The following MACROD2 variants were observed in gnomAD, a reference collection of about 807,000 sequenced individuals.
MACROD2 encodes ADP-ribose glycohydrolase MACROD2.
MACROD2 carries 36 observed loss-of-function variants against 70.4 expected under a neutral mutation model. That is an observed-to-expected ratio of 0.51 (90% CI 0.39 to 0.68). The LOEUF (loss-of-function observed/expected upper bound fraction) is 0.68, where lower values mean the gene tolerates loss of function less well. MACROD2 is among the 30% of genes least tolerant of loss of function. MACROD2 has a pLI of 0.00. For missense variants in MACROD2, 496 were observed against 538.4 expected (o/e 0.92, Z 0.78); for synonymous variants, 172 against 178.8 (o/e 0.96, Z 0.30).
At chr20:15,683,589 TG>T (rs1314352052) in intron 8 of MACROD2, among the ~76,000 whole-genome samples, 3 of 152,104 alleles carry the variant, frequency 2.0e-5, no homozygotes, top group African/African-American at 4.8e-5. Flanking sequence ...TTTGTTTGTT[TG>T]TTTTTTGAGA....
chr20:15,395,249 A>G (rs1204330824), intron 6 of MACROD2, among the ~76,000 whole-genome samples: 1 of 152,214 alleles, frequency 6.6e-6, no homozygotes, highest in Non-Finnish European at 1.5e-5. Flanking sequence ...TAAGCAGAAC[A>G]CTGGAAGTAT....
Position 15,134,391 on chromosome 20 carries a change from C to T in MACROD2, c.419-95549C>T, listed in dbSNP as rs577137349. ...TCTCTCAGACCACAGTGCAATCAAACTAGAACTCAGGATTAAGAAACTCAC... is the reference window on the plus strand; with the variant it reads ...TCTCTCAGACCACAGTGCAATCAAATTAGAACTCAGGATTAAGAAACTCAC... On this transcript the variant is annotated intron_variant, in intron 5 of 17. Coordinates refer to ENST00000684519, the MANE Select transcript of MACROD2 (RefSeq NM_001351661.2). 1.4e-3 allele frequency among the ~76,000 whole-genome samples: 208 copies of T among 151,796 alleles called. 4 individuals carry two copies. Among genetic ancestry groups the T allele is most frequent in the Non-Finnish European group, 1.7e-3 (115 of 67,844 alleles).
At chr20:14,486,513 C>CTTT (rs71335969) in intron 3 of MACROD2, among the ~76,000 whole-genome samples, 3,840 of 96,886 alleles carry the variant, frequency 0.04, 597 homozygotes, top group African/African-American at 0.11. Flanking sequence ...AAATAGCCAA[C>CTTT]TTTTTATTTT....
intron 4 of MACROD2, among the ~76,000 whole-genome samples, chr20:14,684,630 T>A (rs1267760663): frequency 7.0e-6 from 1 of 143,508 alleles, no homozygotes; most frequent in Non-Finnish European, 1.5e-5. Context: ...CTTCTACTTC[T>A]GTTCACCACA....
intron 8 of MACROD2, among the ~76,000 whole-genome samples, chr20:15,531,409 C>G (rs768188651): frequency 4.0e-5 from 6 of 151,712 alleles, no homozygotes; most frequent in African/African-American, 7.3e-5. Flanking sequence ...TAAAAATCTT[C>G]AAATATAGAA....
At chr20:15,881,451 G>A (rs916051012) in intron 9 of MACROD2, among the ~76,000 whole-genome samples, 5 of 152,082 alleles carry the variant, frequency 3.3e-5, no homozygotes, top group Admixed American at 1.3e-4. Flanking sequence ...TCTGGATACG[G>A]GCCACAGGAC....
At chr20:14,236,835 A>G (rs1354359106) in intron 3 of MACROD2, among the ~76,000 whole-genome samples, 1 of 152,138 alleles carries the variant, frequency 6.6e-6, no homozygotes, top group African/African-American at 2.4e-5. Context: ...ACCATATTTT[A>G]AACTATTTCC....
At chr20:14,254,535 T>C (rs1023902908) in intron 3 of MACROD2, among the ~76,000 whole-genome samples, 1 of 152,130 alleles carries the variant, frequency 6.6e-6, no homozygotes, top group Admixed American at 6.6e-5. Flanking sequence ...TCTTTAGTCA[T>C]TTATTATTTA....
Position 16,022,525 on chromosome 20 carries a change from G to A in MACROD2, c.1154-18676G>A, listed in dbSNP as rs530157344. On this transcript the variant is annotated intron_variant, in intron 15 of 17. Transcript: ENST00000684519. The stretch of plus-strand genomic sequence containing the variant: ...GCTTTTACATGTACAAGAATCACTA[G>A]GGCAGCTTGTTAAATTGCAGATTAC... Among the ~76,000 whole-genome samples, 15 of 152,256 alleles carry A rather than the reference G, an allele frequency of 9.9e-5. No individual in the cohort carries two copies. The East Asian group carries it at 2.7e-3, about 27-fold the overall frequency.
At chr20:15,795,825 G>T (rs2063667959) in intron 8 of MACROD2, among the ~76,000 whole-genome samples, 1 of 152,162 alleles carries the variant, frequency 6.6e-6, no homozygotes, top group Admixed American at 6.5e-5. Flanking sequence ...TCCGTTGGTG[G>T]CATTCGTTCT....
chr20:14,411,197 A>G (rs1196153751), intron 3 of MACROD2, among the ~76,000 whole-genome samples: 1 of 152,122 alleles, frequency 6.6e-6, no homozygotes, highest in African/African-American at 2.4e-5. Flanking sequence ...TCTAAACTTG[A>G]TATGAGCCAA....
chr20:14,070,853 C>G lies in MACROD2; in HGVS notation c.164-14768C>G, dbSNP rs1026196034. Among the ~76,000 whole-genome samples the G allele has an allele frequency of 3.5e-4, 53 of 152,042 alleles. 1 individual carries two copies. The highest frequency in any genetic ancestry group is 3.4e-4 in the Non-Finnish European group (23 of 68,024). ...CCCAGGCATTTTGTGTGAATATCTCCCAGCATCTTATTCTTTTAAGTGTGA... is the reference window on the plus strand; with the variant it reads ...CCCAGGCATTTTGTGTGAATATCTCGCAGCATCTTATTCTTTTAAGTGTGA... On this transcript the variant is annotated intron_variant, in intron 2 of 17. Coordinates refer to ENST00000684519, the MANE Select transcript of MACROD2 (RefSeq NM_001351661.2).
chr20:15,094,305 C>T (rs2075813265), intron 5 of MACROD2, among the ~76,000 whole-genome samples: 1 of 152,120 alleles, frequency 6.6e-6, no homozygotes, highest in African/African-American at 2.4e-5. Context: ...AAAATCTTCA[C>T]ATGCTATTTT....
intron 1 of MACROD2, among the ~76,000 whole-genome samples, chr20:13,998,348 T>C (rs1476370560): frequency 6.6e-6 from 1 of 152,142 alleles, no homozygotes; most frequent in Non-Finnish European, 1.5e-5. Flanking sequence ...TTGTTTTAAA[T>C]TGATCTCGTT....
chr20:14,728,174 G>A (rs758030961), intron 5 of MACROD2, among the ~76,000 whole-genome samples: 2 of 152,092 alleles, frequency 1.3e-5, no homozygotes, highest in African/African-American at 2.4e-5. Context: ...GGAAGAAAAT[G>A]AAGTATTCTG....
intron 8 of MACROD2, among the ~76,000 whole-genome samples, chr20:15,519,118 C>CCTTCCTTCCTTT (rs1568863524): frequency 1.1e-5 from 1 of 91,016 alleles, no homozygotes; most frequent in Non-Finnish European, 2.2e-5. Context: ...TTCCTTCCTT[C>CCTTCCTTCCTTT]CTTTCTTTCT....
intron 4 of MACROD2, among the ~76,000 whole-genome samples, chr20:14,671,228 G>C (rs2070791256): frequency 6.6e-6 from 1 of 152,154 alleles, no homozygotes; most frequent in South Asian, 2.1e-4. Flanking sequence ...TCATGCGTAT[G>C]TGGAAGAAAA....
At chr20:14,436,226 G>C (rs1239262043) in intron 3 of MACROD2, among the ~76,000 whole-genome samples, 1 of 152,008 alleles carries the variant, frequency 6.6e-6, no homozygotes, top group African/African-American at 2.4e-5. Context: ...TGCATTTAGT[G>C]TGATTTTAAA....
chr20:14,664,480 A>G (rs1600514573), intron 4 of MACROD2, among the ~76,000 whole-genome samples: 1 of 152,116 alleles, frequency 6.6e-6, no homozygotes, highest in African/African-American at 2.4e-5. Context: ...TAGGCATGTA[A>G]TAACATTAGA....
Sources: gnomAD v4.1 joint callset for allele counts (sites outside exome capture counted in the v4.1 genomes callset) on GRCh38, gnomAD v4.1.1 for gene constraint, MANE v1.5 for transcripts, NCBI Gene and HGNC (gene_info 2026-07-23, HGNC 2026-07-21) for gene names.